The following NAV2 variants were observed in gnomAD, a reference collection of about 807,000 sequenced individuals.
NAV2 encodes neuron navigator 2, also known as helicase, APC down-regulated 1.
In NAV2, 54 loss-of-function variants were observed where a neutral mutation model predicts 223.2. The observed-to-expected ratio is 0.24, with a 90% CI of 0.19 to 0.30. The LOEUF (loss-of-function observed/expected upper bound fraction) is 0.30, where lower values mean the gene tolerates loss of function less well. Ranked by LOEUF, NAV2 falls within the 10% of genes least tolerant of loss-of-function variation. The pLI is 1.00. For missense variants in NAV2, 2,806 were observed against 3,147.5 expected (o/e 0.89, Z 2.60); for synonymous variants, 1,279 against 1,239.3 (o/e 1.03, Z -0.67).
intron 8 of NAV2, among the ~76,000 whole-genome samples, chr11:19,941,802 T>C (rs2046422707): frequency 6.6e-6 from 1 of 152,238 alleles, no homozygotes; most frequent in Non-Finnish European, 1.5e-5. Flanking sequence ...TTTTTTGCTG[T>C]TGTTGACGGC....
In NAV2 at chr11:19,368,343, G is replaced by A. The variant is rs544449171; in HGVS notation, c.75+17316G>A. Among the ~76,000 whole-genome samples, 9 of 152,302 alleles carry A rather than the reference G, an allele frequency of 5.9e-5. No individual in the cohort carries two copies. In the East Asian group the frequency reaches 1.7e-3, roughly 29 times the overall value. ...TTTGCTTTTGGGTAGAAACAAACAA[G>A]CAAGTTTCCTGCTGGCCTCCCTGTT... is the stretch of plus-strand genomic sequence containing the variant. On this transcript the variant is annotated intron_variant, in intron 1 of 37. Transcript: ENST00000360655.
At chr11:19,567,893 A>T (rs896657073) in intron 1 of NAV2, among the ~76,000 whole-genome samples, 3 of 151,994 alleles carry the variant, frequency 2.0e-5, no homozygotes, top group African/African-American at 7.3e-5. Context: ...GGCTGCATAC[A>T]CCCTGCCTCA....
intron 1 of NAV2, among the ~76,000 whole-genome samples, chr11:19,396,459 G>T (rs61281547): frequency 0.24 from 36,443 of 152,084 alleles, 4,441 homozygotes; most frequent in East Asian, 0.38. Context: ...TCTGTGAAGA[G>T]GTACCACATT....
chr11:19,544,114 T>C lies in NAV2; in HGVS notation c.75+193087T>C, dbSNP rs376129109. ...TGCCTGGCACATAGTAAGTGCTCAA[T>C]ACATCTTGGATTGCTAAAAAATTAT... On this transcript the variant is annotated intron_variant, in intron 1 of 37. Transcript: ENST00000360655. Among the ~76,000 whole-genome samples the C allele has an allele frequency of 2.6e-5, 4 of 152,376 alleles. No homozygotes were observed. In the East Asian group the frequency reaches 7.7e-4, roughly 29 times the overall value.
intron 1 of NAV2, among the ~76,000 whole-genome samples, chr11:19,656,214 C>A (rs921309080): frequency 7.2e-5 from 11 of 152,164 alleles, no homozygotes; most frequent in Non-Finnish European, 1.3e-4. Context: ...CATGCAGAGA[C>A]CACCATTACC....
chr11:19,492,208 G>T (rs959137704), intron 1 of NAV2, among the ~76,000 whole-genome samples: 3 of 151,932 alleles, frequency 2.0e-5, no homozygotes, highest in African/African-American at 7.3e-5. Flanking sequence ...GGCATGAAGT[G>T]AGCACATGCT....
At chr11:19,745,410 A>G (rs1389849658) in intron 1 of NAV2, among the ~76,000 whole-genome samples, 1 of 152,200 alleles carries the variant, frequency 6.6e-6, no homozygotes, top group Non-Finnish European at 1.5e-5. Flanking sequence ...CTTGGCTCCT[A>G]AGCATTGTGC....
At position 19,925,646 on chromosome 11, in the gene NAV2, G is replaced by T. The variant is rs559647557; in HGVS notation, c.932-7530G>T. On this transcript the variant is annotated intron_variant, in intron 6 of 37. Transcript: ENST00000349880. ...TGCCTATAATCCCACTATTCAGGAG[G>T]CTGAGGCAAGAGAATTGCTTGAACC... is the stretch of plus-strand genomic sequence containing the variant. Among the ~76,000 whole-genome samples the T allele has an allele frequency of 4.6e-5, 7 of 152,020 alleles. No homozygotes were observed. The South Asian group carries it at 1.5e-3, about 32-fold the overall frequency.
intron 4 of NAV2, among the ~76,000 whole-genome samples, chr11:19,873,665 C>T (rs542032817): frequency 5.7e-4 from 86 of 152,168 alleles, no homozygotes; most frequent in Non-Finnish European, 9.3e-4. Context: ...TTTCTGGACC[C>T]GTACGGTGAA....
At chr11:19,920,105 T>G (rs2044153121) in intron 6 of NAV2, among the ~76,000 whole-genome samples, 2 of 152,022 alleles carry the variant, frequency 1.3e-5, no homozygotes, top group Non-Finnish European at 2.9e-5. Context: ...CTGCACTCCA[T>G]CCTGGGCAAC....
At chr11:19,533,003 A>G (rs547364420) in intron 1 of NAV2, among the ~76,000 whole-genome samples, 2 of 152,226 alleles carry the variant, frequency 1.3e-5, no homozygotes, top group Non-Finnish European at 2.9e-5. Flanking sequence ...GTGTCCACAC[A>G]TAGTGGTACT....
At position 20,068,382 on chromosome 11, in the gene NAV2, C is replaced by T; in HGVS notation, c.4967C>T (p.Thr1656Ile). The T allele has an allele frequency of 1.2e-5, 19 of 1,613,898 alleles. No individual in the cohort carries two copies. Among genetic ancestry groups the T allele is most frequent in the Non-Finnish European group, 1.6e-5 (19 of 1,179,758 alleles). The change falls in exon 22 of 38, where the codon ACC becomes ATC. Residue 1656 changes from threonine to isoleucine, a missense_variant. This residue lies in a region of NAV2 where 824 missense variants were observed against 1,069.4 expected (regional missense o/e 0.77). Transcript: ENST00000349880. ...ASQEKVSALT[T>I]QLTANAHLVA... ...CAGGAGAAAGTTTCAGCTTTGACCA[C>T]CCAGCTGACAGCAAATGTAAGTACA...
At chr11:19,869,913 C>G (rs1188198653) in intron 4 of NAV2, among the ~76,000 whole-genome samples, 1 of 152,158 alleles carries the variant, frequency 6.6e-6, no homozygotes, top group Non-Finnish European at 1.5e-5. Flanking sequence ...GGGACCTGTT[C>G]CTTGCCTTTG....
intron 1 of NAV2, among the ~76,000 whole-genome samples, chr11:19,483,774 C>T (rs1206117179): frequency 6.6e-6 from 1 of 152,118 alleles, no homozygotes; most frequent in Non-Finnish European, 1.5e-5. Flanking sequence ...GTACTATCCA[C>T]AGTTTCAGGC....
intron 1 of NAV2, among the ~76,000 whole-genome samples, chr11:19,475,684 CAG>C (rs1281663137): frequency 6.6e-6 from 1 of 152,180 alleles, no homozygotes; most frequent in Non-Finnish European, 1.5e-5. Context: ...CTACCACTGC[CAG>C]AGAGTGCCTA....
In NAV2 at chr11:20,008,918, G is replaced by C. The variant is rs115602941; in HGVS notation, c.2768+24671G>C. On this transcript the variant is annotated intron_variant, in intron 11 of 37. Transcript: ENST00000349880. The stretch of plus-strand genomic sequence containing the variant: ...ATAGAATTGATTCTTTTCCTCGACT[G>C]CTGTATTGTTGCTGCTTTTGTTTTT... 2.2e-3 allele frequency among the ~76,000 whole-genome samples: 339 copies of C among 152,226 alleles called. 1 individual carries two copies. Among genetic ancestry groups the C allele is most frequent in the African/African-American group, 7.7e-3 (321 of 41,536 alleles).
rs1218313645 is a variant in NAV2 at position 19,984,138 on chromosome 11, G to A, written c.2659G>A (p.Gly887Ser). ...DDITSGYMTD[G>S]GLGLYTRRLN... ...CTCCTTTTAAAGATACATGACTGATGGTGGACTTGGCCTCTATACCCGTCG... is the reference window on the plus strand; with the variant it reads ...CTCCTTTTAAAGATACATGACTGATAGTGGACTTGGCCTCTATACCCGTCG... Residue 887 changes from glycine (G) to serine (S), a missense_variant, in exon 11 of 38, where the codon GGT becomes AGT. Transcript: ENST00000349880. 5.6e-6 allele frequency: 9 copies of A among 1,614,012 alleles called. No homozygotes were observed. The highest frequency in any genetic ancestry group is 6.8e-6 in the Non-Finnish European group (8 of 1,180,018).
At chr11:19,992,239 C>T (rs1163717919) in intron 11 of NAV2, among the ~76,000 whole-genome samples, 4 of 152,216 alleles carry the variant, frequency 2.6e-5, no homozygotes, top group Non-Finnish European at 4.4e-5. Flanking sequence ...TTGGCCTTGC[C>T]CAAGAGGCTC....
At chr11:19,913,026 A>C (rs900828453) in intron 6 of NAV2, among the ~76,000 whole-genome samples, 1 of 152,194 alleles carries the variant, frequency 6.6e-6, no homozygotes, top group African/African-American at 2.4e-5. Context: ...TGTGCATCAG[A>C]GTCGCCATGA....
Sources: allele counts gnomAD v4.1 joint callset (sites outside exome capture counted in the v4.1 genomes callset), GRCh38; gene constraint gnomAD v4.1.1; regional missense constraint gnomAD v4.1.1; transcripts MANE v1.5; gene names NCBI Gene and HGNC (gene_info 2026-07-23, HGNC 2026-07-21).